Variants in METTL25 observed in about 807,000 individuals in gnomAD.
METTL25 encodes methyltransferase like 25, also known as probable methyltransferase-like protein 25.
In METTL25, 64 loss-of-function variants were observed where a neutral mutation model predicts 71.6. The ratio of observed to expected loss-of-function variants is 0.89; its 90% CI spans 0.73 to 1.10. The LOEUF (loss-of-function observed/expected upper bound fraction) is 1.10, where lower values mean the gene tolerates loss of function less well. Ranked by LOEUF, METTL25 falls within the 50% of genes least tolerant of loss-of-function variation. METTL25 has a pLI of 0.00. For missense variants in METTL25, 807 were observed against 707.0 expected, an observed-to-expected ratio of 1.14 and a Z score of -1.60; for synonymous variants, 287 against 250.3, an observed-to-expected ratio of 1.15 and a Z score of -1.38.
chr12:82,391,725 T>A (rs1471595450), intron 3 of METTL25, among the ~76,000 whole-genome samples: 7 of 284 alleles, frequency 0.025, no homozygotes, highest in African/African-American at 0.027. Context: ...ACTGATTTCC[T>A]TTTTTTTTTT....
rs1453750943 is a variant in METTL25, at chr12:82,358,615, G to A, written c.50G>A (p.Arg17His). Reference protein sequence around the residue: ...LPVTPDLPTLRAKLQGLLQFL... With the variant: ...LPVTPDLPTLHAKLQGLLQFL... The stretch of plus-strand genomic sequence containing the variant: ...GTGACCCCGGACCTGCCCACGCTGC[G>A]TGCCAAGTTGCAGGGACTGCTGCAG... Residue 17 changes from arginine (R) to histidine (H), a missense_variant, in exon 1 of 12, where the codon CGT (arginine) becomes CAT (histidine). Physicochemically the swap from Arg to His is conservative, Grantham distance 29. Transcript: ENST00000248306. 6.2e-6 allele frequency: 10 copies of A among 1,613,676 alleles called. No homozygotes were observed. The highest frequency in any genetic ancestry group is 8.5e-6 in the Non-Finnish European group (10 of 1,180,042).
chr12:82,391,117 A>G (rs1885532854), intron 3 of METTL25, among the ~76,000 whole-genome samples: 1 of 152,096 alleles, frequency 6.6e-6, no homozygotes, highest in African/African-American at 2.4e-5. Flanking sequence ...GGTTCTGTAC[A>G]TGGATGGTAC....
intron 1 of METTL25, among the ~76,000 whole-genome samples, chr12:82,383,849 G>C (rs1884695770): frequency 6.6e-6 from 1 of 151,838 alleles, no homozygotes; most frequent in African/African-American, 2.4e-5. Flanking sequence ...CTGGTCCCTT[G>C]TATACAAACA....
chr12:82,475,381 G>T (rs76413495), intron 9 of METTL25, among the ~76,000 whole-genome samples: 1 of 152,054 alleles, frequency 6.6e-6, no homozygotes, highest in Admixed American at 6.5e-5. Flanking sequence ...TGTGTAATCT[G>T]CATGGGTTCT....
At chr12:82,427,039 A>G (rs1370407398) in intron 5 of METTL25, among the ~76,000 whole-genome samples, 1 of 152,020 alleles carries the variant, frequency 6.6e-6, no homozygotes, top group Non-Finnish European at 1.5e-5. Context: ...AGGTATCTCC[A>G]TAAGCGCTTG....
intron 7 of METTL25, among the ~76,000 whole-genome samples, chr12:82,436,823 A>G (rs920408520): frequency 3.3e-5 from 5 of 151,624 alleles, no homozygotes; most frequent in African/African-American, 1.2e-4. Flanking sequence ...GTTTCATATA[A>G]AATTAAACTT....
chr12:82,381,808 A>G (rs1884467411), intron 1 of METTL25, among the ~76,000 whole-genome samples: 1 of 152,262 alleles, frequency 6.6e-6, no homozygotes, highest in South Asian at 2.1e-4. Flanking sequence ...GTAAATTTCC[A>G]TTTTAGAAAA....
chr12:82,376,809 G>T (rs943315534), intron 1 of METTL25, among the ~76,000 whole-genome samples: 2 of 151,766 alleles, frequency 1.3e-5, no homozygotes, highest in African/African-American at 4.8e-5. Flanking sequence ...CATCTTCTTT[G>T]CAAACTTTAA....
chr12:82,463,096 T>C (rs1251614464), intron 9 of METTL25, among the ~76,000 whole-genome samples: 1 of 152,084 alleles, frequency 6.6e-6, no homozygotes, highest in Admixed American at 6.6e-5. Flanking sequence ...ATCCTCCTTC[T>C]AGCTATTTGA....
chr12:82,456,785 C>T lies in METTL25; in HGVS notation c.1537C>T (p.Arg513Trp), dbSNP rs186996696. ...TTCTTCTTTTCTGGATTATGTCAGA[C>T]GGTCTCTAAAGAAGCTTGGATTAGA... The part of the protein sequence containing the change: ...KCSSFLDYVR[R>W]SLKKLGLDES... The change falls in exon 9 of 12, where the codon CGG becomes TGG. Residue 513 changes from arginine to tryptophan, a missense_variant. Arg to Trp is a moderately radical substitution (Grantham distance 101). Coordinates refer to ENST00000248306, the MANE Select transcript of METTL25 (RefSeq NM_032230.3). 1.9e-5 allele frequency: 30 copies of T among 1,601,348 alleles called. No individual in the cohort carries two copies. Among genetic ancestry groups the T allele is most frequent in the East Asian group, 1.1e-4 (5 of 44,444 alleles).
intron 5 of METTL25, among the ~76,000 whole-genome samples, chr12:82,429,272 C>G (rs1383065871): frequency 1.3e-5 from 2 of 151,696 alleles, no homozygotes; most frequent in Non-Finnish European, 2.9e-5. Flanking sequence ...ATATTTTTAG[C>G]TCTCACATAT....
At chr12:82,371,789 T>C (rs978334073) in intron 1 of METTL25, among the ~76,000 whole-genome samples, 6 of 152,142 alleles carry the variant, frequency 3.9e-5, no homozygotes. Flanking sequence ...ACGCCTCCTG[T>C]AGCTGCTCAG....
intron 3 of METTL25, among the ~76,000 whole-genome samples, chr12:82,397,926 C>A (rs1483455925): frequency 6.6e-6 from 1 of 151,740 alleles, no homozygotes; most frequent in Non-Finnish European, 1.5e-5. Context: ...CAACCTTATT[C>A]TTTTTCAAAA....
intron 5 of METTL25, among the ~76,000 whole-genome samples, chr12:82,430,121 T>A (rs1010322289): frequency 6.0e-5 from 9 of 150,834 alleles, no homozygotes; most frequent in Admixed American, 1.3e-4. Context: ...GACTTTTTTT[T>A]AATTGTCACT....
intron 1 of METTL25, among the ~76,000 whole-genome samples, chr12:82,377,504 A>G (rs1481790206): frequency 6.6e-6 from 1 of 152,238 alleles, no homozygotes; most frequent in East Asian, 1.9e-4. Context: ...GAAGAATGAA[A>G]GAGGATCTGT....
chr12:82,380,755 G>A (rs1355282204), intron 1 of METTL25, among the ~76,000 whole-genome samples: 1 of 152,136 alleles, frequency 6.6e-6, no homozygotes, highest in Non-Finnish European at 1.5e-5. Flanking sequence ...TGTCTTCTTG[G>A]ATCTTGCTTA....
chr12:82,477,775 G>A (rs765659076), intron 11 of METTL25, among the ~76,000 whole-genome samples: 6 of 151,706 alleles, frequency 4.0e-5, no homozygotes, highest in Non-Finnish European at 5.9e-5. Context: ...GATCAAGGAA[G>A]ATTCCTTCTG....
Position 82,358,622 on chromosome 12 carries a change from G to A in METTL25, c.57G>A (p.Lys19=), listed in dbSNP as rs1466567404. The change falls in exon 1 of 12, where the codon AAG becomes AAA. Residue 19 remains lysine (K), a synonymous_variant. Coordinates refer to ENST00000248306, the MANE Select transcript of METTL25 (RefSeq NM_032230.3). ...VTPDLPTLRA[K]LQGLLQFLRD... ...CGGACCTGCCCACGCTGCGTGCCAA[G>A]TTGCAGGGACTGCTGCAGTTCCTGA... 3 of 1,613,864 alleles carry A rather than the reference G, an allele frequency of 1.9e-6. No homozygotes were observed. The highest frequency in any genetic ancestry group is 1.7e-5 in the Admixed American group (1 of 60,016).
intron 9 of METTL25, among the ~76,000 whole-genome samples, chr12:82,465,286 C>A (rs1038015208): frequency 1.3e-5 from 2 of 151,826 alleles, no homozygotes; most frequent in African/African-American, 2.4e-5. Context: ...TCTTCCATGT[C>A]TAGGTTGTTG....
Sources: allele counts gnomAD v4.1 joint callset (sites outside exome capture counted in the v4.1 genomes callset), GRCh38; gene constraint gnomAD v4.1.1; transcripts MANE v1.5; gene names NCBI Gene and HGNC (gene_info 2026-07-23, HGNC 2026-07-21).